Variants in CAMK2D observed in about 807,000 individuals in gnomAD.
The protein encoded by CAMK2D is calcium/calmodulin-dependent protein kinase type II subunit delta.
CAMK2D carries 37 observed loss-of-function variants against 84.0 expected under a neutral mutation model. That is an observed-to-expected ratio of 0.44 (90% confidence interval 0.34 to 0.58). The LOEUF is 0.58. Ranked by LOEUF, CAMK2D falls within the 20% of genes least tolerant of loss-of-function variation. The pLI, the probability that CAMK2D is intolerant of heterozygous loss-of-function variation, is 0.02. For synonymous variants in CAMK2D, 202 were observed against 212.5 expected, an observed-to-expected ratio of 0.95 and a Z score of 0.43; for missense variants, 448 against 652.5, an observed-to-expected ratio of 0.69 and a Z score of 3.41.
chr4:113,562,851 TATTTA>T (rs986681039), intron 4 of CAMK2D, among the ~76,000 whole-genome samples: 1 of 152,250 alleles, frequency 6.6e-6, no homozygotes, highest in Non-Finnish European at 1.5e-5. Flanking sequence ...TATATGGCTT[TATTTA>T]ATTTAATGAA....
chr4:113,529,995 C>T lies in CAMK2D; in HGVS notation c.601+1221G>A, dbSNP rs952114616. Among the ~76,000 whole-genome samples the T allele has an allele frequency of 6.6e-5, 10 of 152,198 alleles. No homozygotes were observed. The East Asian group carries it at 1.2e-3, about 18-fold the overall frequency. ...GGTAAAAGTTTCTATCCTGGATATA[C>T]TGAATCAGAAACACAGCAATCTGTC... On this transcript the variant is annotated intron_variant, in intron 8 of 20. Coordinates refer to ENST00000511664, the MANE Select transcript of CAMK2D (RefSeq NM_001321571.2).
chr4:113,508,926 G>A (rs1228069544), intron 13 of CAMK2D, among the ~76,000 whole-genome samples: 1 of 152,054 alleles, frequency 6.6e-6, no homozygotes, highest in East Asian at 1.9e-4. Flanking sequence ...AAAACATTTA[G>A]GTGGTACTCT....
intron 16 of CAMK2D, 123 bp downstream of exon 16, chr4:113,500,340 A>C: frequency 2.0e-6 from 1 of 499,494 alleles, no homozygotes; most frequent in Non-Finnish European, 3.5e-6. Flanking sequence ...CTCATAAATA[A>C]AATATTTTTG....
At chr4:113,760,974 G>C in intron 1 of CAMK2D, 30 bp downstream of exon 1, 1 of 1,613,984 alleles carries the variant, frequency 6.2e-7, no homozygotes, top group Non-Finnish European at 8.5e-7. Context: ...CTGGAAAGGG[G>C]ATATGCGGAT....
rs372203311 is a variant in CAMK2D, at chr4:113,611,659, A to C, written c.221-2453T>G. On this transcript the variant is annotated intron_variant, in intron 3 of 20. Coordinates refer to ENST00000511664, the MANE Select transcript of CAMK2D (RefSeq NM_001321571.2). ...ATAACATTTTCTTAAAATTATTTCC[A>C]TTCACTTATTAATACTAATTAATAC... 2.2e-4 allele frequency among the ~76,000 whole-genome samples: 34 copies of C among 152,304 alleles called. No homozygotes were observed. In the East Asian group the frequency reaches 3.3e-3, roughly 15 times the overall value.
chr4:113,643,827 A>C (rs2099141464), intron 3 of CAMK2D, among the ~76,000 whole-genome samples: 1 of 152,200 alleles, frequency 6.6e-6, no homozygotes, highest in African/African-American at 2.4e-5. Context: ...ACCCTCTCTG[A>C]GTAATATCAG....
chr4:113,603,297 G>A lies in CAMK2D; in HGVS notation c.275+5855C>T, dbSNP rs189515541. Among the ~76,000 whole-genome samples the A allele has an allele frequency of 6.3e-3, 951 of 151,054 alleles. 12 individuals carry two copies. Among genetic ancestry groups the A allele is most frequent in the African/African-American group, 0.022 (886 of 41,176 alleles). ...TACATATGTATACATGTGCCATGTT[G>A]GTGTGCTGCACCCATTAACTCGTCA... On this transcript the variant is annotated intron_variant, in intron 4 of 20. Transcript: ENST00000511664.
chr4:113,710,753 G>T (rs1011996186), intron 2 of CAMK2D, among the ~76,000 whole-genome samples: 2 of 152,138 alleles, frequency 1.3e-5, no homozygotes, highest in Non-Finnish European at 2.9e-5. Flanking sequence ...ACCAGAATAG[G>T]AAGGTGAGTT....
intron 18 of CAMK2D, among the ~76,000 whole-genome samples, chr4:113,459,432 T>C (rs950741221): frequency 6.6e-6 from 1 of 152,132 alleles, no homozygotes; most frequent in African/African-American, 2.4e-5. Context: ...TTGCTCATAC[T>C]GGTCTTGAAT....
At chr4:113,489,133 T>C (rs1274363169) in intron 16 of CAMK2D, among the ~76,000 whole-genome samples, 2 of 151,248 alleles carry the variant, frequency 1.3e-5, no homozygotes, top group African/African-American at 2.5e-5. Flanking sequence ...ATGCGGACAG[T>C]AATTTTTCTT....
intron 2 of CAMK2D, among the ~76,000 whole-genome samples, chr4:113,733,567 G>T (rs938178681): frequency 1.9e-4 from 29 of 152,096 alleles, no homozygotes; most frequent in Admixed American, 1.3e-3. Flanking sequence ...TATAAGTATG[G>T]CTCCAAATTA....
At position 113,563,832 on chromosome 4, in the gene CAMK2D, C is replaced by G. The variant is rs140338819; in HGVS notation, c.276-11736G>C. ...AAATAAACAACTTCGGCACAGTATCCTATCCCACCCAAATATACTTCATGT... is the reference window on the plus strand; with the variant it reads ...AAATAAACAACTTCGGCACAGTATCGTATCCCACCCAAATATACTTCATGT... On this transcript the variant is annotated intron_variant, in intron 4 of 20. Transcript: ENST00000511664. 2.6e-3 allele frequency among the ~76,000 whole-genome samples: 391 copies of G among 152,270 alleles called. 3 individuals are homozygous for G. Among genetic ancestry groups the G allele is most frequent in the African/African-American group, 8.8e-3 (364 of 41,564 alleles).
intron 4 of CAMK2D, among the ~76,000 whole-genome samples, chr4:113,592,662 C>T (rs2098896079): frequency 6.6e-6 from 1 of 151,766 alleles, no homozygotes; most frequent in African/African-American, 2.4e-5. Context: ...TATCAAACTG[C>T]TTTTATTATC....
At position 113,537,372 on chromosome 4, in the gene CAMK2D, T is replaced by C. The variant is rs769258439; in HGVS notation, c.486A>G (p.Ile162Met). 1 of 1,612,684 alleles carries C rather than the reference T, an allele frequency of 6.2e-7. No individual in the cohort carries two copies. The highest frequency in any genetic ancestry group is 8.5e-7 in the Non-Finnish European group (1 of 1,178,732). The change falls in exon 7 of 21, where the codon ATA becomes ATG. Residue 162 changes from isoleucine (I) to methionine (M), a missense_variant. Physicochemically the swap from Ile to Met is conservative, Grantham distance 10. Coordinates refer to ENST00000511664, the MANE Select transcript of CAMK2D (RefSeq NM_001321571.2). ...ACGCCTGCTGGTCCCCTTGAACTTC[T>C]ATGGCTAAGCCAAAGTCTGCCAATT... is the stretch of plus-strand genomic sequence containing the variant. ...AVKLADFGLA[I>M]EVQGDQQAWF...
At chr4:113,756,684 G>T (rs1696366094) in intron 2 of CAMK2D, among the ~76,000 whole-genome samples, 1 of 151,922 alleles carries the variant, frequency 6.6e-6, no homozygotes, top group African/African-American at 2.4e-5. Context: ...TTGTTGTTAG[G>T]AGTAAATTAA....
intron 2 of CAMK2D, among the ~76,000 whole-genome samples, chr4:113,724,065 T>C (rs939216517): frequency 6.6e-6 from 1 of 152,108 alleles, no homozygotes; most frequent in African/African-American, 2.4e-5. Flanking sequence ...CTACTCAATA[T>C]GTTATTTCAT....
chr4:113,597,088 G>A (rs1309368132), intron 4 of CAMK2D, among the ~76,000 whole-genome samples: 1 of 152,136 alleles, frequency 6.6e-6, no homozygotes, highest in Non-Finnish European at 1.5e-5. Context: ...AAAGTGCTGG[G>A]ATTACAGGCA....
At chr4:113,609,995 C>T (rs1310349753) in intron 3 of CAMK2D, among the ~76,000 whole-genome samples, 2 of 152,172 alleles carry the variant, frequency 1.3e-5, no homozygotes, top group South Asian at 2.1e-4. Context: ...AAGCCCCACA[C>T]CTTGTCCCAG....
intron 2 of CAMK2D, 73 bp downstream of exon 2, chr4:113,759,247 T>A: frequency 1.2e-6 from 1 of 862,062 alleles, no homozygotes; most frequent in Non-Finnish European, 1.9e-6. Context: ...CATGATATAT[T>A]TACATACAAC....
Sources: gnomAD v4.1 joint callset for allele counts (sites outside exome capture counted in the v4.1 genomes callset) on GRCh38, gnomAD v4.1.1 for gene constraint, MANE v1.5 for transcripts, NCBI Gene and HGNC (gene_info 2026-07-23, HGNC 2026-07-21) for gene names.